The following ZBTB25 variants were observed in gnomAD, a reference collection of about 807,000 sequenced individuals.
ZBTB25 encodes zinc finger and BTB domain-containing protein 25.
A neutral mutation model predicts 34.2 loss-of-function variants in ZBTB25; 20 were observed. The observed-to-expected ratio is 0.58, with a 90% CI of 0.41 to 0.85. The LOEUF (loss-of-function observed/expected upper bound fraction) is 0.85, where lower values mean the gene tolerates loss of function less well. Among genes scored for constraint, ZBTB25 ranks in the 40% least tolerant of loss-of-function variants. ZBTB25 has a pLI of 0.00. For missense variants in ZBTB25, 437 were observed against 521.8 expected (o/e 0.84, Z 1.58); for synonymous variants, 175 against 186.4 (o/e 0.94, Z 0.50).
intron 1 of ZBTB25, among the ~76,000 whole-genome samples, chr14:64,491,581 A>G (rs1457778417): frequency 6.6e-6 from 1 of 152,232 alleles, no homozygotes; most frequent in Non-Finnish European, 1.5e-5. Context: ...GGGGAAGCCT[A>G]TATGAGGAAG....
At chr14:64,449,137 T>C (rs2078331165) in exon 3 of ZBTB25, 1 of 421,216 alleles carries the variant, frequency 2.4e-6, no homozygotes, top group Admixed American at 3.5e-5. Context: ...TGATTCCTTC[T>C]GGAGTGCTGG....
intron 1 of ZBTB25, among the ~76,000 whole-genome samples, chr14:64,497,021 G>C (rs187844086): frequency 6.6e-6 from 1 of 152,228 alleles, no homozygotes; most frequent in East Asian, 1.9e-4. Flanking sequence ...AATACATCAA[G>C]ACTGAGTTTA....
intron 2 of ZBTB25, among the ~76,000 whole-genome samples, chr14:64,489,648 C>G (rs1181206736): frequency 1.3e-5 from 2 of 151,352 alleles, no homozygotes; most frequent in East Asian, 4.0e-4. Flanking sequence ...CAATTCTCCT[C>G]CCTCAGCCTC....
intron 2 of ZBTB25, chr14:64,460,720 TA>T (rs1371030835): frequency 1.3e-5 from 2 of 152,194 alleles, no homozygotes; most frequent in African/African-American, 4.8e-5. Context: ...ACCAACCTAA[TA>T]TTTTTTTTCC....
At position 64,487,212 on chromosome 14, in the gene ZBTB25, T is replaced by C. The variant is rs2078897504; in HGVS notation, c.1019A>G (p.Asn340Ser). Reference protein sequence around the residue: ...KDTEPVELNCNFSFSRKRKMS... With the variant: ...KDTEPVELNCSFSFSRKRKMS... ...TTTTCTTTTCCTTGAAAAAGAAAAA[T>C]TACAGTTTAATTCTACTGGCTCTGT... Residue 340 changes from asparagine to serine, a missense_variant, in exon 3 of 3, where the codon AAT becomes AGT. Physicochemically the swap from Asn to Ser is conservative, Grantham distance 46 (BLOSUM62 1). Transcript: ENST00000608382. 3 of 1,614,030 alleles carry C rather than the reference T, an allele frequency of 1.9e-6. No individual in the cohort carries two copies. In the South Asian group the frequency reaches 3.3e-5, roughly 18 times the overall value.
chr14:64,449,732 G>A (rs2078340173), intron 2 of ZBTB25: 2 of 1,307,524 alleles, frequency 1.5e-6, no homozygotes, highest in Non-Finnish European at 2.1e-6. Flanking sequence ...CAGCCTTGCG[G>A]TTTGATTCCC....
At chr14:64,474,726 T>C (rs1458443724), downstream of ZBTB25, among the ~76,000 whole-genome samples, 1 of 152,242 alleles carries the variant, frequency 6.6e-6, no homozygotes, top group East Asian at 1.9e-4. Flanking sequence ...AGGGCAGTTC[T>C]GAATTTGATG....
At chr14:64,499,991 T>C (rs906846725) in intron 1 of ZBTB25, among the ~76,000 whole-genome samples, 6 of 152,064 alleles carry the variant, frequency 3.9e-5, no homozygotes, top group African/African-American at 1.4e-4. Context: ...CTAACCAACA[T>C]TACATTGTAG....
intron 2 of ZBTB25, chr14:64,463,402 G>GTT (rs1380203599): frequency 3.5e-4 from 53 of 152,264 alleles, no homozygotes; most frequent in Admixed American, 5.2e-4. Context: ...ATACCTTAAG[G>GTT]AAGTCTGTCC....
At chr14:64,455,571 A>T (rs1314747250) in intron 2 of ZBTB25, among the ~76,000 whole-genome samples, 1 of 152,226 alleles carries the variant, frequency 6.6e-6, no homozygotes. Context: ...TTATCCCCTA[A>T]ATCTGCCCTG....
chr14:64,454,133 G>A (rs761671395), intron 2 of ZBTB25, among the ~76,000 whole-genome samples: 2 of 152,164 alleles, frequency 1.3e-5, no homozygotes, highest in South Asian at 4.1e-4. Context: ...GTTATTTTGA[G>A]ATAGGGTCTG....
intron 2 of ZBTB25, chr14:64,468,403 C>G (rs748793399): frequency 1.9e-6 from 3 of 1,600,720 alleles, no homozygotes; most frequent in South Asian, 2.3e-5. Context: ...AAATGGAAAC[C>G]ACAATTTCAG....
intron 2 of ZBTB25, chr14:64,468,793 A>T: frequency 6.2e-7 from 1 of 1,614,170 alleles, no homozygotes; most frequent in Non-Finnish European, 8.5e-7. Context: ...TAAAATTCCC[A>T]AGAGGGCCAA....
chr14:64,504,739 A>G (rs531008613), upstream of ZBTB25: 83 of 373,684 alleles, frequency 2.2e-4, no homozygotes, highest in Non-Finnish European at 6.7e-5. Flanking sequence ...GCGGTGCGGC[A>G]GGCGCGGCTG....
intron 1 of ZBTB25, among the ~76,000 whole-genome samples, chr14:64,493,776 GCAGAGTCC>G: frequency 6.6e-6 from 1 of 151,652 alleles, no homozygotes; most frequent in South Asian, 2.1e-4. Flanking sequence ...TGATATAAAG[GCAGAGTCC>G]CAGAACATTA....
At chr14:64,461,962 T>A (rs1475690261) in intron 2 of ZBTB25, 2 of 152,192 alleles carry the variant, frequency 1.3e-5, no homozygotes, top group Admixed American at 6.5e-5. Context: ...TGGGAATTCA[T>A]TTTGTAGACA....
At chr14:64,504,788 G>A (rs1367056962), upstream of ZBTB25, 4 of 383,030 alleles carry the variant, frequency 1.0e-5, no homozygotes, top group Non-Finnish European at 1.4e-5. Context: ...ACAGTCCCTG[G>A]CAGAGCCAGA....
At chr14:64,473,779 TA>T (rs553437082), downstream of ZBTB25, 14 of 166,388 alleles carry the variant, frequency 8.4e-5, 1 homozygote, top group Middle Eastern at 3.4e-3. Flanking sequence ...TTTGTGCATT[TA>T]AAAAAAAATC....
intron 1 of ZBTB25, chr14:64,503,400 T>C: frequency 1.0e-6 from 1 of 985,422 alleles, no homozygotes; most frequent in Non-Finnish European, 1.2e-6. Flanking sequence ...GCACCCCGTG[T>C]GCCACCCTGA....
Sources: gnomAD v4.1 joint callset for allele counts (sites outside exome capture counted in the v4.1 genomes callset) on GRCh38, gnomAD v4.1.1 for gene constraint, MANE v1.5 for transcripts, NCBI Gene and HGNC (gene_info 2026-07-23, HGNC 2026-07-21) for gene names.